The following CHST15 variants were observed in gnomAD, a reference collection of about 807,000 sequenced individuals.
The protein encoded by CHST15 is B cell RAG associated protein (GALNAC4S-6ST).
A neutral mutation model predicts 53.6 loss-of-function variants in CHST15; 30 were observed. The observed-to-expected ratio is 0.56, with a 90% confidence interval of 0.42 to 0.76. CHST15 has a LOEUF of 0.76. Among genes scored for constraint, CHST15 ranks in the 30% least tolerant of loss-of-function variants. The pLI is 0.00. For synonymous variants in CHST15, 296 were observed against 289.8 expected (o/e 1.02, Z -0.22); for missense variants, 627 against 740.5 (o/e 0.85, Z 1.78).
chr10:124,064,032 C>T (rs997604366), intron 1 of CHST15, among the ~76,000 whole-genome samples: 4 of 152,178 alleles, frequency 2.6e-5, no homozygotes, highest in East Asian at 1.9e-4. Context: ...ACAAAGCAAA[C>T]GATCTATGGT....
At chr10:124,084,387 C>G (rs1949350857) in intron 1 of CHST15, among the ~76,000 whole-genome samples, 1 of 152,196 alleles carries the variant, frequency 6.6e-6, no homozygotes, top group South Asian at 2.1e-4. Flanking sequence ...CATGGCCCAA[C>G]CTTCTCCGTT....
Position 124,007,684 on chromosome 10 carries a change from A to T in CHST15, c.*2465T>A. On this transcript the variant is annotated 3_prime_UTR_variant, in exon 8 of 8. Coordinates refer to ENST00000435907, the MANE Select transcript of CHST15 (RefSeq NM_001270764.2). The stretch of plus-strand genomic sequence containing the variant: ...AGGAAGAGCTTGGCTGCAGAGGAAG[A>T]GCACGCGCTCCACAGGCGTCACTCT... 8.2e-7 allele frequency: 1 copy of T among 1,218,626 alleles called. No individual in the cohort carries two copies. The highest frequency in any genetic ancestry group is 1.6e-5 in the African/African-American group (1 of 64,306). The allele number at this position is 1,218,626 out of a possible 1,614,324, so 75.5% of individuals were successfully genotyped here. A position where few individuals can be genotyped will look rare whatever the true frequency, so the allele number is the denominator to read the frequency against.
At chr10:124,042,800 G>A (rs1232168770) in intron 3 of CHST15, among the ~76,000 whole-genome samples, 1 of 152,184 alleles carries the variant, frequency 6.6e-6, no homozygotes, top group Admixed American at 6.5e-5. Flanking sequence ...ACTCGTAAGT[G>A]GCTGGGCAGC....
rs149181968 is a variant in CHST15 at position 124,020,500 on chromosome 10, C to T, written c.1347+756G>A. On this transcript the variant is annotated intron_variant, in intron 6 of 7. Coordinates refer to ENST00000435907, the MANE Select transcript of CHST15 (RefSeq NM_001270764.2). ...GGCCTCTGTAGTAAGAAAGAGGGGG[C>T]AGAGCCTCTTGGCCTGAAGTCCCAC... The T allele has an allele frequency of 2.6e-5, 26 of 985,556 alleles. No individual in the cohort carries two copies. The East Asian group carries it at 3.0e-3, about 112-fold the overall frequency. 61.1% of individuals were successfully genotyped at this position (985,556 alleles called of 1,614,324 possible).
At chr10:124,068,508 C>A (rs1227726180) in intron 1 of CHST15, among the ~76,000 whole-genome samples, 1 of 152,168 alleles carries the variant, frequency 6.6e-6, no homozygotes, top group Non-Finnish European at 1.5e-5. Context: ...AGCTGATGGG[C>A]CGGGTACATG....
Position 124,021,239 on chromosome 10 carries a change from G to GGGC in CHST15, c.1347+16_1347+17insGCC, listed in dbSNP as rs1564854192. ...CCAGGGGCCAGCTCGGGGGGTACGG[G>GGGC]GGGGGGGGGTACACACAGGCATGGC... On this transcript the variant is annotated intron_variant, in intron 6 of 7. Transcript: ENST00000435907. The GGGC allele has an allele frequency of 1.4e-5, 20 of 1,441,678 alleles. No individual in the cohort carries two copies. The highest frequency in any genetic ancestry group is 1.9e-5 in the Admixed American group (1 of 51,696). 89.3% of individuals were successfully genotyped at this position (1,441,678 alleles called of 1,614,324 possible).
At chr10:124,039,785 ATG>A (rs1947668779) in intron 4 of CHST15, among the ~76,000 whole-genome samples, 1 of 152,136 alleles carries the variant, frequency 6.6e-6, no homozygotes, top group South Asian at 2.1e-4. Flanking sequence ...GTGTGTGTAT[ATG>A]TGTGTGTTTA....
At position 124,052,591 on chromosome 10, in the gene CHST15, G is replaced by A. The variant is rs539018767; in HGVS notation, c.-512-5867C>T. 1.5e-3 allele frequency among the ~76,000 whole-genome samples: 232 copies of A among 152,300 alleles called. 2 individuals are homozygous for A. The highest frequency in any genetic ancestry group is 5.2e-3 in the African/African-American group (218 of 41,538). On this transcript the variant is annotated intron_variant, in intron 1 of 7. Transcript: ENST00000435907. ...CACTGGAGTTAAGAGCCCGAGTGCT[G>A]GAGCCAGGTTGCCCAGGTTTGATCT... is the stretch of plus-strand genomic sequence containing the variant.
rs569299943 is a variant in CHST15 at position 124,019,896 on chromosome 10, T to C, written c.1347+1360A>G. On this transcript the variant is annotated intron_variant, in intron 6 of 7. Transcript: ENST00000435907. This position sits in a 1 kb window ranked among gnomAD's most constrained non-coding sequence, Gnocchi z 4.6. ...ACCAGGCGGCTGGCTGCGTTCTGTA[T>C]GGTAGGTGGTGCTGACCACTGGGCC... 3 of 985,878 alleles carry C rather than the reference T, an allele frequency of 3.0e-6. No individual in the cohort carries two copies. The allele number at this position is 985,878 out of a possible 1,614,324, so 61.1% of individuals were successfully genotyped here.
chr10:124,053,735 T>G (rs1260992126), intron 1 of CHST15, among the ~76,000 whole-genome samples: 1 of 152,000 alleles, frequency 6.6e-6, no homozygotes, highest in East Asian at 1.9e-4. Context: ...TTGGGCAACA[T>G]GGCAAAACCC....
At chr10:124,023,568 C>T (rs1182817884) in intron 5 of CHST15, among the ~76,000 whole-genome samples, 2 of 151,972 alleles carry the variant, frequency 1.3e-5, no homozygotes, top group Non-Finnish European at 1.5e-5. Flanking sequence ...CTCTATCTCT[C>T]CTTGCAGCCC....
chr10:124,044,946 A>G (rs373632794), intron 2 of CHST15, 27 bp from the exon 3 acceptor site: 25 of 1,402,142 alleles, frequency 1.8e-5, no homozygotes, highest in Admixed American at 2.9e-5. Flanking sequence ...GAGGAGAGAC[A>G]CAGAGGAGGG....
In CHST15 at chr10:124,036,186, G is replaced by A. The variant is rs530947769; in HGVS notation, c.1190+2329C>T. On this transcript the variant is annotated intron_variant, in intron 5 of 7. Coordinates refer to ENST00000435907, the MANE Select transcript of CHST15 (RefSeq NM_001270764.2). The surrounding 1 kb of genome is among the most constrained non-coding windows in gnomAD (Gnocchi z 5.1). ...CTATGCAAACACCTCCGGGGGCGGC[G>A]AGGGGTCAGCTCGAGGTGACAGTTA... 1.1e-3 allele frequency among the ~76,000 whole-genome samples: 171 copies of A among 152,334 alleles called. No homozygotes were observed. Among genetic ancestry groups the A allele is most frequent in the Admixed American group, 2.0e-3 (30 of 15,302 alleles).
intron 1 of CHST15, among the ~76,000 whole-genome samples, chr10:124,066,251 C>T (rs575684364): frequency 9.9e-5 from 15 of 152,020 alleles, no homozygotes; most frequent in Non-Finnish European, 2.1e-4. Context: ...GAGCTTTGAG[C>T]GTCGACCAGC....
chr10:124,027,764 G>GT (rs1947068652), intron 5 of CHST15, among the ~76,000 whole-genome samples: 1 of 152,198 alleles, frequency 6.6e-6, no homozygotes, highest in Non-Finnish European at 1.5e-5. Context: ...CACTAGAGAG[G>GT]TTAAGGAGTT....
chr10:124,010,399 T>C lies in CHST15; in HGVS notation c.1496-60A>G, dbSNP rs558104007. On this transcript the variant is annotated intron_variant, in intron 7 of 7. Transcript: ENST00000435907. Reference sequence around the variant, plus strand: ...AGGCATGGCAGGAAGTAAAAGGGACTTTGCAAAAATCCCAGCTATGCTTCG... The same window carrying C: ...AGGCATGGCAGGAAGTAAAAGGGACCTTGCAAAAATCCCAGCTATGCTTCG... The C allele has an allele frequency of 5.6e-5, 83 of 1,469,580 alleles. 1 individual carries two copies. The South Asian group carries it at 1.2e-3, about 21-fold the overall frequency. 91.0% of individuals were successfully genotyped at this position (1,469,580 alleles called of 1,614,324 possible).
intron 5 of CHST15, among the ~76,000 whole-genome samples, chr10:124,022,633 CCTT>C: frequency 6.6e-6 from 1 of 152,204 alleles, no homozygotes; most frequent in East Asian, 1.9e-4. Flanking sequence ...AACTGACCAC[CCTT>C]CTTATCTGAT....
At chr10:124,021,058 G>A (rs1946760088) in intron 6 of CHST15, 198 bp downstream of exon 6, 1 of 1,445,220 alleles carries the variant, frequency 6.9e-7, no homozygotes, top group Non-Finnish European at 9.1e-7. Flanking sequence ...CAGGGAGGAA[G>A]GCAGGAGCCA....
chr10:124,088,480 C>T (rs1280932734), intron 1 of CHST15, among the ~76,000 whole-genome samples: 1 of 152,204 alleles, frequency 6.6e-6, no homozygotes, highest in Non-Finnish European at 1.5e-5. Context: ...AAACTGCTTC[C>T]CACTTGCCAC....
Sources: gnomAD v4.1 joint callset for allele counts (sites outside exome capture counted in the v4.1 genomes callset) on GRCh38, gnomAD v4.1.1 for gene constraint, Gnocchi (gnomAD v3.1) non-coding constraint, MANE v1.5 for transcripts, NCBI Gene and HGNC (gene_info 2026-07-23, HGNC 2026-07-21) for gene names.